The following NRIP3 variants were observed in gnomAD, a reference collection of about 807,000 sequenced individuals.
The protein encoded by NRIP3 is nuclear receptor interacting protein 3.
A neutral mutation model predicts 29.0 loss-of-function variants in NRIP3; 31 were observed. The ratio of observed to expected loss-of-function variants is 1.07; its 90% CI spans 0.80 to 1.44. NRIP3 has a LOEUF of 1.44. Among genes scored for constraint, NRIP3 ranks in the 40% most tolerant of loss-of-function variants. The pLI is 0.00. For synonymous variants in NRIP3, 131 were observed against 118.3 expected (o/e 1.11, Z -0.70); for missense variants, 314 against 297.9 (o/e 1.05, Z -0.40).
Position 8,983,488 on chromosome 11 carries a change from C to T in NRIP3, c.*57G>A. On this transcript the variant is annotated 3_prime_UTR_variant, in exon 7 of 7. Transcript: ENST00000309166. ...GCATTTGGTTCAAACCCAGTTTTCT[C>T]TATCTGTCAACCCGGTGTGTATGCA... 7 of 1,580,676 alleles carry T rather than the reference C, an allele frequency of 4.4e-6. No homozygotes were observed. Among genetic ancestry groups the T allele is most frequent in the Non-Finnish European group, 6.0e-6 (7 of 1,157,940 alleles).
rs1424187244 is a variant in NRIP3, at chr11:8,984,082, C to G, written c.605G>C (p.Arg202Pro). 1 of 1,612,676 alleles carries G rather than the reference C, an allele frequency of 6.2e-7. No individual in the cohort carries two copies. Among genetic ancestry groups the G allele is most frequent in the Non-Finnish European group, 8.5e-7 (1 of 1,178,906 alleles). ...KNLSLGLQTL[R>P]SLKCIINLDK... is the part of the protein sequence containing the mutation. ...TGGAGTCAATCTTACCTTCAGAGATCGGAGAGTCTGTAGACCAAGGGACAA... is the reference window on the plus strand; with the variant it reads ...TGGAGTCAATCTTACCTTCAGAGATGGGAGAGTCTGTAGACCAAGGGACAA... The change falls in exon 5 of 7, where the codon CGA (arginine) becomes CCA (proline). Residue 202 changes from arginine to proline, a missense_variant. Transcript: ENST00000309166.
Position 8,987,554 on chromosome 11 carries a change from C to A in NRIP3, c.416G>T (p.Arg139Ile). ...YNLISLACVD[R>I]LGLKEHVKSH... is the part of the protein sequence containing the mutation. ...AGCACAAGTGCCTACTTACCCCAAT[C>A]TGTCCACACAGGCCAAAGAGATGAG... The change falls in exon 3 of 7, where the codon AGA becomes ATA. Residue 139 changes from arginine (R) to isoleucine (I), a missense_variant. Physicochemically the swap from Arg to Ile is moderately conservative, Grantham distance 97 (BLOSUM62 -3). Coordinates refer to ENST00000309166, the MANE Select transcript of NRIP3 (RefSeq NM_020645.3). The A allele has an allele frequency of 6.2e-7, 1 of 1,613,276 alleles. No homozygotes were observed. The highest frequency in any genetic ancestry group is 8.5e-7 in the Non-Finnish European group (1 of 1,179,176).
intron 1 of NRIP3, among the ~76,000 whole-genome samples, chr11:8,988,680 C>T (rs1291255894): frequency 6.6e-6 from 1 of 152,214 alleles, no homozygotes; most frequent in Non-Finnish European, 1.5e-5. Flanking sequence ...TAGGTGACAG[C>T]AAATCACTGC....
upstream of NRIP3, chr11:9,004,304 G>A (rs959574192): frequency 5.9e-6 from 1 of 170,112 alleles, no homozygotes; most frequent in Non-Finnish European, 1.2e-5. Context: ...CCGATGCCCT[G>A]GCAGCCCCGG....
At chr11:8,997,040 T>C (rs949583633) in intron 1 of NRIP3, among the ~76,000 whole-genome samples, 3 of 152,072 alleles carry the variant, frequency 2.0e-5, no homozygotes, top group East Asian at 1.9e-4. Context: ...ATCACGACAC[T>C]GCACTTTAGC....
In NRIP3 at chr11:8,983,797, T is replaced by A; in HGVS notation, c.710+78A>T. On this transcript the variant is annotated intron_variant, in intron 6 of 6. Coordinates refer to ENST00000309166, the MANE Select transcript of NRIP3 (RefSeq NM_020645.3). ...AAAGACAGGATACAACCCCATGTCC[T>A]GTCTGAGAACCACCACCACCCTGCT... The A allele has an allele frequency of 5.8e-6, 7 of 1,217,190 alleles. No homozygotes were observed. In the South Asian group the frequency reaches 8.5e-5, roughly 15 times the overall value. 75.4% of individuals were successfully genotyped at this position (1,217,190 alleles called of 1,614,324 possible).
At chr11:8,987,053 C>T (rs1366103012) in intron 3 of NRIP3, among the ~76,000 whole-genome samples, 1 of 152,176 alleles carries the variant, frequency 6.6e-6, no homozygotes, top group East Asian at 1.9e-4. Context: ...GCTAATTACC[C>T]TTATGATGGC....
At chr11:8,987,295 A>G (rs1400846588) in intron 3 of NRIP3, among the ~76,000 whole-genome samples, 5 of 152,102 alleles carry the variant, frequency 3.3e-5, no homozygotes, top group Admixed American at 6.5e-5. Context: ...TCAAGTTTAG[A>G]GGTCTTTGCT....
intron 1 of NRIP3, among the ~76,000 whole-genome samples, chr11:8,992,604 T>C (rs1220835496): frequency 6.6e-6 from 1 of 151,806 alleles, no homozygotes; most frequent in African/African-American, 2.4e-5. Flanking sequence ...TAAAAGACAA[T>C]AGAATAATGC....
intron 1 of NRIP3, among the ~76,000 whole-genome samples, chr11:9,000,130 GC>G (rs1399843807): frequency 2.0e-5 from 3 of 151,976 alleles, no homozygotes; most frequent in African/African-American, 7.3e-5. Flanking sequence ...GTCCTTCCCT[GC>G]CCCCAACCTA....
At chr11:8,987,873 T>C (rs150490438) in intron 2 of NRIP3, among the ~76,000 whole-genome samples, 1 of 152,214 alleles carries the variant, frequency 6.6e-6, no homozygotes, top group African/African-American at 2.4e-5. Context: ...ATACACCAAA[T>C]AGCTCTTAAT....
chr11:8,983,922 G>C lies in NRIP3; in HGVS notation c.663C>G (p.Asp221Glu), dbSNP rs114283401. 1,895 of 1,614,184 alleles carry C rather than the reference G, an allele frequency of 1.2e-3. 17 individuals are homozygous for C. The African/African-American group carries it at 0.022, about 19-fold the overall frequency. Residue 221 changes from aspartate to glutamate, a missense_variant, in exon 6 of 7, where the codon GAC becomes GAG. By Grantham distance (45) the Asp-to-Glu change is conservative. Coordinates refer to ENST00000309166, the MANE Select transcript of NRIP3 (RefSeq NM_020645.3). Reference sequence around the variant, plus strand: ...TCTCCACAAAAGGGATTTCTTCCTTGTCTGTCTTCCCCATGATCAGCCGGT... The same window carrying C: ...TCTCCACAAAAGGGATTTCTTCCTTCTCTGTCTTCCCCATGATCAGCCGGT... ...DKHRLIMGKTDKEEIPFVETV... is the reference protein window; with the variant it reads ...DKHRLIMGKTEKEEIPFVETV...
At chr11:8,999,999 G>T (rs1589965440) in intron 1 of NRIP3, among the ~76,000 whole-genome samples, 1 of 152,090 alleles carries the variant, frequency 6.6e-6, no homozygotes, top group African/African-American at 2.4e-5. Flanking sequence ...CCACAAGAAT[G>T]AAAGTTCCGT....
At chr11:9,000,396 C>G (rs1854773353) in intron 1 of NRIP3, among the ~76,000 whole-genome samples, 1 of 152,202 alleles carries the variant, frequency 6.6e-6, no homozygotes. Context: ...ACCACACAGA[C>G]CTGCTCTAAT....
intron 1 of NRIP3, among the ~76,000 whole-genome samples, chr11:9,001,020 G>A (rs1444255125): frequency 6.6e-6 from 1 of 152,014 alleles, no homozygotes; most frequent in Non-Finnish European, 1.5e-5. Context: ...AGTAAGATGT[G>A]ACTGCAGCTG....
chr11:8,981,357 A>G lies in NRIP3; in HGVS notation c.*2188T>C. 1 of 151,848 alleles carries G rather than the reference A, an allele frequency of 6.6e-6. No homozygotes were observed. Among genetic ancestry groups the G allele is most frequent in the Non-Finnish European group, 1.5e-5 (1 of 68,010 alleles). 9.4% of individuals were successfully genotyped at this position (151,848 alleles called of 1,614,324 possible). On this transcript the variant is annotated 3_prime_UTR_variant, in exon 7 of 7. Transcript: ENST00000309166. ...GTGGCAGGTGCCTGTAGTCCCAGCT[A>G]CTTGGGAGGCTGAGGCAGGAGAATG...
chr11:9,001,299 G>C (rs1260881234), intron 1 of NRIP3, among the ~76,000 whole-genome samples: 1 of 152,162 alleles, frequency 6.6e-6, no homozygotes, highest in South Asian at 2.1e-4. Context: ...GTTGCCTTCT[G>C]CCAGTCCTAA....
intron 1 of NRIP3, among the ~76,000 whole-genome samples, chr11:8,989,679 C>G (rs1346116071): frequency 6.6e-6 from 1 of 152,230 alleles, no homozygotes; most frequent in Non-Finnish European, 1.5e-5. Context: ...CTTAGCTTGA[C>G]TAGGAGCTAG....
At chr11:8,990,567 C>T (rs569279648) in intron 1 of NRIP3, among the ~76,000 whole-genome samples, 8 of 152,288 alleles carry the variant, frequency 5.3e-5, no homozygotes, top group African/African-American at 1.7e-4. Context: ...AGGCGGATCT[C>T]TTGAGCTCAG....
Sources: allele counts gnomAD v4.1 joint callset (sites outside exome capture counted in the v4.1 genomes callset), GRCh38; gene constraint gnomAD v4.1.1; transcripts MANE v1.5; gene names NCBI Gene and HGNC (gene_info 2026-07-23, HGNC 2026-07-21).